MYLK: variants seen among roughly 807,000 people sequenced by gnomAD.
MYLK encodes the protein myosin light chain kinase, also known as myosin light chain kinase, smooth muscle.
Under a neutral mutation model 203.4 loss-of-function variants are expected in MYLK, and 106 were observed. That is an observed-to-expected ratio of 0.52 (90% confidence interval 0.45 to 0.61). MYLK has a LOEUF of 0.61. MYLK is among the 20% of genes least tolerant of loss of function. The probability of loss-of-function intolerance (pLI) is 0.00; values close to 1 mark genes in which losing one functional copy is unlikely to be tolerated. For missense variants in MYLK, 2,072 were observed against 2,442.3 expected, an observed-to-expected ratio of 0.85 and a Z score of 3.20; for synonymous variants, 867 against 959.5, an observed-to-expected ratio of 0.90 and a Z score of 1.78.
chr3:123,881,957 G>A (rs1254469312), intron 1 of MYLK, among the ~76,000 whole-genome samples: 3 of 152,172 alleles, frequency 2.0e-5, no homozygotes, highest in Non-Finnish European at 2.9e-5. Flanking sequence ...CCCCTCCTCT[G>A]CAGTGACTGT....
At chr3:123,780,870 A>G (rs556344977) in intron 4 of MYLK, among the ~76,000 whole-genome samples, 1 of 152,338 alleles carries the variant, frequency 6.6e-6, no homozygotes, top group East Asian at 1.9e-4. Context: ...CACATTCTAG[A>G]GACAAGTACT....
At chr3:123,810,003 C>T (rs758440447) in intron 3 of MYLK, among the ~76,000 whole-genome samples, 9 of 152,178 alleles carry the variant, frequency 5.9e-5, no homozygotes, top group Admixed American at 4.6e-4. Context: ...CTGACTATTT[C>T]GAACAGTTTA....
At chr3:123,723,435 G>C (rs927410403) in intron 12 of MYLK, among the ~76,000 whole-genome samples, 3 of 152,224 alleles carry the variant, frequency 2.0e-5, no homozygotes, top group Non-Finnish European at 4.4e-5. Flanking sequence ...AGTGAGCACT[G>C]CTCTTTGTTT....
intron 20 of MYLK, among the ~76,000 whole-genome samples, chr3:123,677,884 A>AATTT (rs2060121311): frequency 1.9e-5 from 1 of 53,566 alleles, no homozygotes; most frequent in Non-Finnish European, 3.2e-5. Context: ...TAAATAAATG[A>AATTT]ATATATATAT....
intron 23 of MYLK, among the ~76,000 whole-genome samples, chr3:123,658,789 G>A (rs1344122332): frequency 6.6e-6 from 1 of 152,192 alleles, no homozygotes; most frequent in South Asian, 2.1e-4. Flanking sequence ...TGTATATGGA[G>A]AAGAAAAATC....
chr3:123,613,856 T>A lies in MYLK; in HGVS notation c.*249A>T. 1 of 522,594 alleles carries A rather than the reference T, an allele frequency of 1.9e-6. No homozygotes were observed. The highest frequency in any genetic ancestry group is 3.4e-6 in the Non-Finnish European group (1 of 289,952). The allele number at this position is 522,594 out of a possible 1,614,324, so 32.4% of individuals were successfully genotyped here. A position where few individuals can be genotyped will look rare whatever the true frequency, so the allele number is the denominator to read the frequency against. ...TCTAAAATCAATTGGTCAGTCAAGT[T>A]ACTGGTGATTTCCCTAAATGAAATC... On this transcript the variant is annotated 3_prime_UTR_variant, in exon 34 of 34. Coordinates refer to ENST00000360304, the MANE Select transcript of MYLK (RefSeq NM_053025.4).
chr3:123,777,058 T>C (rs2064105567), intron 4 of MYLK, among the ~76,000 whole-genome samples: 1 of 152,260 alleles, frequency 6.6e-6, no homozygotes, highest in Non-Finnish European at 1.5e-5. Context: ...TTATCTGCTT[T>C]CTTAAGTAGA....
chr3:123,797,266 T>C (rs1214382028), intron 3 of MYLK, among the ~76,000 whole-genome samples: 1 of 152,206 alleles, frequency 6.6e-6, no homozygotes, highest in Non-Finnish European at 1.5e-5. Context: ...ATATAGTATA[T>C]GTTTGTAGAA....
At chr3:123,660,584 C>T (rs1057238171) in intron 23 of MYLK, among the ~76,000 whole-genome samples, 3 of 152,088 alleles carry the variant, frequency 2.0e-5, no homozygotes, top group African/African-American at 7.2e-5. Context: ...TCCAAAATAG[C>T]TAAATATCAC....
At chr3:123,646,609 A>G (rs1205836272) in intron 27 of MYLK, among the ~76,000 whole-genome samples, 1 of 152,220 alleles carries the variant, frequency 6.6e-6, no homozygotes, top group Non-Finnish European at 1.5e-5. Context: ...CAGAAGAAAC[A>G]ATGAATTCTG....
chr3:123,725,260 AG>A (rs2108754142), intron 12 of MYLK, among the ~76,000 whole-genome samples: 1 of 152,300 alleles, frequency 6.6e-6, no homozygotes, highest in African/African-American at 2.4e-5. Flanking sequence ...TCCCCACAGT[AG>A]TCCCTGCTCC....
At chr3:123,857,263 G>C (rs1169065623) in intron 2 of MYLK, among the ~76,000 whole-genome samples, 1 of 152,146 alleles carries the variant, frequency 6.6e-6, no homozygotes, top group Non-Finnish European at 1.5e-5. Flanking sequence ...TCTAGAACTA[G>C]AAATACCATT....
At chr3:123,837,583 T>A (rs1219959935) in intron 2 of MYLK, among the ~76,000 whole-genome samples, 3 of 150,166 alleles carry the variant, frequency 2.0e-5, no homozygotes, top group African/African-American at 4.9e-5. Context: ...ACCATACAAT[T>A]TAAAGTCTTC....
chr3:123,837,636 T>C (rs1204727998), intron 2 of MYLK, among the ~76,000 whole-genome samples: 1 of 151,746 alleles, frequency 6.6e-6, no homozygotes, highest in Non-Finnish European at 1.5e-5. Context: ...TGTGCACTGA[T>C]CACCTCAATG....
intron 3 of MYLK, among the ~76,000 whole-genome samples, chr3:123,817,703 C>T (rs1217559296): frequency 6.6e-6 from 1 of 152,114 alleles, no homozygotes; most frequent in Non-Finnish European, 1.5e-5. Flanking sequence ...AGCCATGAGG[C>T]TGGTGATTAC....
At chr3:123,656,848 G>A (rs976590121) in intron 24 of MYLK, among the ~76,000 whole-genome samples, 5 of 152,316 alleles carry the variant, frequency 3.3e-5, no homozygotes, top group East Asian at 1.9e-4. Flanking sequence ...ACATGAGGCC[G>A]CTTGAACTCC....
chr3:123,788,719 T>C (rs1015182134), intron 4 of MYLK, among the ~76,000 whole-genome samples: 5 of 152,180 alleles, frequency 3.3e-5, no homozygotes, highest in Admixed American at 3.3e-4. Flanking sequence ...TTATTCATGC[T>C]TCCATGGTTC....
chr3:123,812,474 C>T (rs1423571404), intron 3 of MYLK, among the ~76,000 whole-genome samples: 1 of 152,196 alleles, frequency 6.6e-6, no homozygotes, highest in African/African-American at 2.4e-5. Flanking sequence ...CATATCTAGC[C>T]TGGCCTCTAA....
intron 20 of MYLK, chr3:123,681,489 A>C (rs952630757): frequency 1.3e-5 from 2 of 153,040 alleles, no homozygotes; most frequent in African/African-American, 4.8e-5. Flanking sequence ...GTAGTGGAGG[A>C]GCCAGGTGCT....
Sources: gnomAD v4.1 joint callset for allele counts (sites outside exome capture counted in the v4.1 genomes callset) on GRCh38, gnomAD v4.1.1 for gene constraint, MANE v1.5 for transcripts, NCBI Gene and HGNC (gene_info 2026-07-23, HGNC 2026-07-21) for gene names.